Variants in TAFA1 observed in about 807,000 individuals in gnomAD.
TAFA1 encodes TAFA chemokine like family member 1.
In TAFA1, 4 loss-of-function variants were observed where a neutral mutation model predicts 18.5. The observed-to-expected ratio is 0.22, with a 90% CI of 0.11 to 0.49. TAFA1 has a LOEUF of 0.49. Ranked by LOEUF, TAFA1 falls within the 20% of genes least tolerant of loss-of-function variation. The probability of loss-of-function intolerance (pLI) is 0.98; values close to 1 mark genes in which losing one functional copy is unlikely to be tolerated. For synonymous variants in TAFA1, 56 were observed against 55.2 expected, an observed-to-expected ratio of 1.01 and a Z score of -0.06; for missense variants, 147 against 169.0, an observed-to-expected ratio of 0.87 and a Z score of 0.72.
chr3:68,004,077 A>C (rs2106763278), upstream of TAFA1: 1 of 152,312 alleles, frequency 6.6e-6, no homozygotes, highest in South Asian at 2.1e-4. Context: ...TTGTTAAATC[A>C]GTGGTATCAG....
At position 68,281,467 on chromosome 3, in the gene TAFA1, CTT is replaced by C. The variant is rs10713944; in HGVS notation, c.119-135794_119-135793del. On this transcript the variant is annotated intron_variant, in intron 2 of 4. Coordinates refer to ENST00000478136, the MANE Select transcript of TAFA1 (RefSeq NM_213609.4). The stretch of plus-strand genomic sequence containing the variant: ...GCTGGGCACCAGTTTCCACATTAAC[CTT>C]TTTTTTTTTTTTTTTTTTGAGATGG... Among the ~76,000 whole-genome samples the C allele has an allele frequency of 1.8e-3, 199 of 111,688 alleles. 1 individual carries two copies. Among genetic ancestry groups the C allele is most frequent in the African/African-American group, 1.8e-3 (55 of 29,860 alleles). 73.3% of individuals were successfully genotyped at this position (111,688 alleles called of 152,430 possible). A position where few individuals can be genotyped will look rare whatever the true frequency, so the allele number is the denominator to read the frequency against.
At chr3:68,064,960 A>G (rs945073462) in intron 2 of TAFA1, among the ~76,000 whole-genome samples, 1 of 152,020 alleles carries the variant, frequency 6.6e-6, no homozygotes, top group Admixed American at 6.6e-5. Flanking sequence ...ATCACTTTCC[A>G]TGGTTGGTTG....
intron 2 of TAFA1, among the ~76,000 whole-genome samples, chr3:68,361,698 A>G (rs2069471921): frequency 6.6e-6 from 1 of 152,120 alleles, no homozygotes; most frequent in African/African-American, 2.4e-5. Flanking sequence ...GAACTGGGTA[A>G]GACATGAGAA....
chr3:68,505,737 C>A (rs1203767721), intron 3 of TAFA1, among the ~76,000 whole-genome samples: 8 of 152,108 alleles, frequency 5.3e-5, no homozygotes, highest in Non-Finnish European at 1.0e-4. Context: ...TTCCCTGCCA[C>A]AAGACCCCTC....
chr3:68,408,373 A>G (rs1204542651), intron 2 of TAFA1, among the ~76,000 whole-genome samples: 2 of 152,138 alleles, frequency 1.3e-5, no homozygotes, highest in Non-Finnish European at 2.9e-5. Context: ...TTACCTTTGT[A>G]AGTTATGACT....
At chr3:68,290,639 A>G (rs1394757616) in intron 2 of TAFA1, among the ~76,000 whole-genome samples, 1 of 152,130 alleles carries the variant, frequency 6.6e-6, no homozygotes, top group South Asian at 2.1e-4. Context: ...TAATTACCTT[A>G]CTATCCTATA....
chr3:68,258,740 G>T (rs1487124395), intron 2 of TAFA1, among the ~76,000 whole-genome samples: 2 of 152,286 alleles, frequency 1.3e-5, no homozygotes, highest in Admixed American at 1.3e-4. Context: ...CTGGGTACTT[G>T]TTGGAGTATC....
intron 2 of TAFA1, among the ~76,000 whole-genome samples, chr3:68,101,848 C>A (rs574035625): frequency 6.6e-6 from 1 of 152,194 alleles, no homozygotes; most frequent in South Asian, 2.1e-4. Context: ...TACTTTTGGA[C>A]AACTCCTGAT....
chr3:68,177,386 A>C lies in TAFA1; in HGVS notation c.118+170642A>C, dbSNP rs2066139142. On this transcript the variant is annotated intron_variant, in intron 2 of 4. Transcript: ENST00000478136. ...GCTACAGAGCTCATGGCTAAAGAGAAAACCTCACTAATGAAAAAAGTCCTG... is the reference window on the plus strand; with the variant it reads ...GCTACAGAGCTCATGGCTAAAGAGACAACCTCACTAATGAAAAAAGTCCTG... Among the ~76,000 whole-genome samples, 3 of 152,200 alleles carry C rather than the reference A, an allele frequency of 2.0e-5. 1 individual carries two copies. The South Asian group carries it at 6.2e-4, about 32-fold the overall frequency.
chr3:68,183,661 A>C (rs1256468663), intron 2 of TAFA1, among the ~76,000 whole-genome samples: 2 of 152,112 alleles, frequency 1.3e-5, no homozygotes, highest in Non-Finnish European at 2.9e-5. Context: ...TTCATGCATC[A>C]CTTTTGAATT....
At chr3:68,323,953 A>G (rs1385785179) in intron 2 of TAFA1, among the ~76,000 whole-genome samples, 1 of 152,160 alleles carries the variant, frequency 6.6e-6, no homozygotes, top group Non-Finnish European at 1.5e-5. Context: ...TATGTCTCCA[A>G]GACTCCAGGA....
chr3:68,479,406 A>G (rs2072182546), intron 3 of TAFA1, among the ~76,000 whole-genome samples: 1 of 151,842 alleles, frequency 6.6e-6, no homozygotes, highest in Non-Finnish European at 1.5e-5. Context: ...CACTTCTTAG[A>G]TCTTACAGCT....
At chr3:68,423,998 G>A (rs531537722) in intron 3 of TAFA1, among the ~76,000 whole-genome samples, 1 of 152,094 alleles carries the variant, frequency 6.6e-6, no homozygotes, top group Admixed American at 6.6e-5. Context: ...AAGAGAAAGT[G>A]TTAACAAAAA....
At chr3:68,033,947 G>A (rs1196237373) in intron 2 of TAFA1, among the ~76,000 whole-genome samples, 1 of 152,160 alleles carries the variant, frequency 6.6e-6, no homozygotes, top group Non-Finnish European at 1.5e-5. Flanking sequence ...ACAGGTTACA[G>A]GATCAATGTG....
Position 68,344,872 on chromosome 3 carries a change from A to G in TAFA1, c.119-72408A>G, listed in dbSNP as rs150787222. Among the ~76,000 whole-genome samples the G allele has an allele frequency of 6.6e-3, 998 of 152,280 alleles. 14 individuals carry two copies. Among genetic ancestry groups the G allele is most frequent in the African/African-American group, 0.022 (908 of 41,550 alleles). ...TAGATAAGCAAACTGAGAAATAGAGAGTGAAGCTCTCTACCAGCCAACTAA... is the reference window on the plus strand; with the variant it reads ...TAGATAAGCAAACTGAGAAATAGAGGGTGAAGCTCTCTACCAGCCAACTAA... On this transcript the variant is annotated intron_variant, in intron 2 of 4. Transcript: ENST00000478136.
Position 68,385,698 on chromosome 3 carries a change from C to A in TAFA1, c.119-31582C>A, listed in dbSNP as rs142853503. Reference sequence around the variant, plus strand: ...ATCTAGAAGCCATTACAAACTATAGCCTGTAGGCCAAACTCTACTTGCCTC... The same window carrying A: ...ATCTAGAAGCCATTACAAACTATAGACTGTAGGCCAAACTCTACTTGCCTC... On this transcript the variant is annotated intron_variant, in intron 2 of 4. Transcript: ENST00000478136. 5.2e-3 allele frequency among the ~76,000 whole-genome samples: 790 copies of A among 152,048 alleles called. 21 individuals carry two copies. Among genetic ancestry groups the A allele is most frequent in the Admixed American group, 0.04 (604 of 15,238 alleles).
chr3:68,542,565 G>A (rs2073394497), intron 4 of TAFA1, among the ~76,000 whole-genome samples: 1 of 152,084 alleles, frequency 6.6e-6, no homozygotes, highest in African/African-American at 2.4e-5. Context: ...CCTCAGAGAT[G>A]TAAAACTGAA....
intron 3 of TAFA1, among the ~76,000 whole-genome samples, chr3:68,463,073 G>T (rs1174244379): frequency 1.3e-5 from 2 of 152,144 alleles, no homozygotes; most frequent in South Asian, 2.1e-4. Flanking sequence ...GTGATCCCTA[G>T]TTCTTAGTTA....
In TAFA1 at chr3:68,544,671, A is replaced by G; in HGVS notation, c.*168A>G. ...GTGTGTAACGAAATATCCTACAGTG[A>G]GAAGACACAGCGTTTTGGCAACACC... On this transcript the variant is annotated 3_prime_UTR_variant, in exon 5 of 5. Coordinates refer to ENST00000478136, the MANE Select transcript of TAFA1 (RefSeq NM_213609.4). 1 of 634,260 alleles carries G rather than the reference A, an allele frequency of 1.6e-6. No individual in the cohort carries two copies. Among genetic ancestry groups the G allele is most frequent in the Middle Eastern group, 3.1e-4 (1 of 3,240 alleles). The allele number at this position is 634,260 out of a possible 1,614,324, so 39.3% of individuals were successfully genotyped here. A position where few individuals can be genotyped will look rare whatever the true frequency, so the allele number is the denominator to read the frequency against.
Sources: gnomAD v4.1 joint callset for allele counts (sites outside exome capture counted in the v4.1 genomes callset) on GRCh38, gnomAD v4.1.1 for gene constraint, MANE v1.5 for transcripts, NCBI Gene and HGNC (gene_info 2026-07-23, HGNC 2026-07-21) for gene names.